FAM3C: variants seen among roughly 807,000 people sequenced by gnomAD.
The protein encoded by FAM3C is FAM3 metabolism regulating signaling molecule C.
In FAM3C, 15 loss-of-function variants were observed where a neutral mutation model predicts 32.5. The ratio of observed to expected loss-of-function variants is 0.46; its 90% CI spans 0.31 to 0.71. The LOEUF (loss-of-function observed/expected upper bound fraction) is 0.71. Among genes scored for constraint, FAM3C ranks in the 30% least tolerant of loss-of-function variants. The probability of loss-of-function intolerance (pLI) is 0.05; values close to 1 mark genes in which losing one functional copy is unlikely to be tolerated. For synonymous variants in FAM3C, 75 were observed against 86.1 expected (o/e 0.87, Z 0.72); for missense variants, 175 against 274.4 (o/e 0.64, Z 2.56).
intron 2 of FAM3C, among the ~76,000 whole-genome samples, chr7:121,379,448 G>A (rs774628071): frequency 2.0e-5 from 3 of 151,828 alleles, no homozygotes; most frequent in African/African-American, 4.8e-5. Flanking sequence ...TCCACTAAGC[G>A]AGGAATTCTC....
intron 5 of FAM3C, among the ~76,000 whole-genome samples, chr7:121,368,972 G>GTTTTTTTT (rs563834740): frequency 3.1e-5 from 3 of 96,188 alleles, no homozygotes; most frequent in Admixed American, 1.3e-4. Context: ...TGTTGTTGTT[G>GTTTTTTTT]TTTTTTTTTT....
intron 6 of FAM3C, among the ~76,000 whole-genome samples, chr7:121,363,520 T>C (rs147800662): frequency 2.1e-3 from 314 of 152,300 alleles, no homozygotes; most frequent in African/African-American, 7.0e-3. Context: ...TTCTACACTA[T>C]GAAACTACAG....
At chr7:121,384,186 C>T (rs1047273590) in intron 1 of FAM3C, among the ~76,000 whole-genome samples, 1 of 152,072 alleles carries the variant, frequency 6.6e-6, no homozygotes, top group Non-Finnish European at 1.5e-5. Flanking sequence ...GAAAAAACAA[C>T]ACTTAAACTG....
At chr7:121,359,750 T>G (rs1168814451) in intron 8 of FAM3C, among the ~76,000 whole-genome samples, 1 of 151,966 alleles carries the variant, frequency 6.6e-6, no homozygotes, top group African/African-American at 2.4e-5. Context: ...ACCATAAAAA[T>G]GCTATTGAAG....
At chr7:121,370,844 C>T (rs2707496) in intron 5 of FAM3C, among the ~76,000 whole-genome samples, 38,853 of 152,098 alleles carry the variant, frequency 0.26, 5,949 homozygotes, top group African/African-American at 0.44. Flanking sequence ...ATTTCTGCCA[C>T]GATGAAAATG....
At chr7:121,391,716 A>G (rs1794580545) in intron 1 of FAM3C, among the ~76,000 whole-genome samples, 2 of 152,210 alleles carry the variant, frequency 1.3e-5, no homozygotes, top group African/African-American at 2.4e-5. Context: ...CCATCGCCCA[A>G]GGGTCCTGGA....
rs1248054119 is a variant in FAM3C at position 121,382,960 on chromosome 7, C to T, written c.10G>A (p.Ala4Thr). Reference protein sequence around the residue: MRVAGAAKLVVAVA... With the variant: MRVTGAAKLVVAVA... ...TCTACTAAATTAAATATCTTACCTG[C>T]TACCCTCATGTTTGGTTTTTCAGTT... The change falls in exon 2 of 10, where the codon GCA becomes ACA. Residue 4 changes from alanine to threonine, a missense_variant. Transcript: ENST00000359943. 2.5e-6 allele frequency: 4 copies of T among 1,601,842 alleles called. No individual in the cohort carries two copies. The African/African-American group carries it at 5.4e-5, about 22-fold the overall frequency.
At chr7:121,363,096 G>T (rs890785297) in intron 6 of FAM3C, 149 bp from the exon 7 acceptor site, 2 of 520,146 alleles carry the variant, frequency 3.8e-6, no homozygotes, top group African/African-American at 2.0e-5. Context: ...TCATCTCAAA[G>T]AATTACTTTG....
intron 1 of FAM3C, among the ~76,000 whole-genome samples, chr7:121,383,977 C>A (rs1794413392): frequency 6.6e-6 from 1 of 152,000 alleles, no homozygotes; most frequent in Admixed American, 6.6e-5. Context: ...TCTAGTAATT[C>A]ACAGAATGTG....
intron 5 of FAM3C, among the ~76,000 whole-genome samples, chr7:121,369,209 G>A (rs577346378): frequency 9.9e-5 from 15 of 152,118 alleles, no homozygotes; most frequent in African/African-American, 3.6e-4. Flanking sequence ...TCAGACTCCT[G>A]ACCTCAGGTG....
chr7:121,354,752 A>T (rs956963400), intron 8 of FAM3C, among the ~76,000 whole-genome samples: 1 of 152,212 alleles, frequency 6.6e-6, no homozygotes, highest in African/African-American at 2.4e-5. Flanking sequence ...CCCAGCCTAG[A>T]CTTTAAAGAG....
intron 3 of FAM3C, among the ~76,000 whole-genome samples, chr7:121,377,143 G>T (rs1794253799): frequency 6.6e-6 from 1 of 152,012 alleles, no homozygotes; most frequent in South Asian, 2.1e-4. Context: ...AAGATCTGAT[G>T]GTTTTATAAG....
At position 121,372,639 on chromosome 7, in the gene FAM3C, A is replaced by T. The variant is rs76801810; in HGVS notation, c.119-500T>A. 1.8e-3 allele frequency among the ~76,000 whole-genome samples: 278 copies of T among 152,268 alleles called. 4 individuals carry two copies. The East Asian group carries it at 0.044, about 24-fold the overall frequency. ...ATCATTACTAAAAGATTTACAATTT[A>T]TCAGTTCAAGGAATCCATGAGGTCA... On this transcript the variant is annotated intron_variant, in intron 3 of 9. Coordinates refer to ENST00000359943, the MANE Select transcript of FAM3C (RefSeq NM_014888.3).
intron 5 of FAM3C, among the ~76,000 whole-genome samples, chr7:121,370,808 T>C (rs1344228661): frequency 1.3e-5 from 2 of 152,328 alleles, no homozygotes; most frequent in East Asian, 3.9e-4. Flanking sequence ...AACACATTCA[T>C]TGTCCAGGGC....
chr7:121,389,176 T>C (rs1794528388), intron 1 of FAM3C, among the ~76,000 whole-genome samples: 1 of 152,106 alleles, frequency 6.6e-6, no homozygotes. Flanking sequence ...TGACAGGCCA[T>C]ACACACTACA....
At position 121,378,890 on chromosome 7, in the gene FAM3C, AGG is replaced by A; in HGVS notation, c.118+18_118+19del. 7.5e-7 allele frequency: 1 copy of A among 1,327,362 alleles called. No individual in the cohort carries two copies. The highest frequency in any genetic ancestry group is 1.1e-6 in the Non-Finnish European group (1 of 947,396). 82.2% of individuals were successfully genotyped at this position (1,327,362 alleles called of 1,614,324 possible). A position where few individuals can be genotyped will look rare whatever the true frequency, so the allele number is the denominator to read the frequency against. On this transcript the variant is annotated intron_variant, in intron 3 of 9. Transcript: ENST00000359943. ...CCACATCAAAAATAAGATTTAAGAA[AGG>A]AAAAAAATAAAACTTACCAAATAGA...
chr7:121,388,542 C>T (rs1268614939), intron 1 of FAM3C, among the ~76,000 whole-genome samples: 1 of 151,934 alleles, frequency 6.6e-6, no homozygotes, highest in Non-Finnish European at 1.5e-5. Context: ...AAGTGTCCCC[C>T]AAAAAGCAAC....
intron 8 of FAM3C, among the ~76,000 whole-genome samples, chr7:121,357,284 TTCTC>T (rs1793833313): frequency 6.6e-6 from 1 of 152,090 alleles, no homozygotes; most frequent in Admixed American, 6.6e-5. Flanking sequence ...CCACCCAACT[TTCTC>T]TCTTGGAAAG....
intron 7 of FAM3C, among the ~76,000 whole-genome samples, chr7:121,360,924 T>C (rs1028553052): frequency 6.6e-6 from 1 of 152,164 alleles, no homozygotes; most frequent in Non-Finnish European, 1.5e-5. Context: ...ACACAGCTTT[T>C]CTCCGATTCT....
Sources: gnomAD v4.1 joint callset for allele counts (sites outside exome capture counted in the v4.1 genomes callset) on GRCh38, gnomAD v4.1.1 for gene constraint, MANE v1.5 for transcripts, NCBI Gene and HGNC (gene_info 2026-07-23, HGNC 2026-07-21) for gene names.